Variants in POLR3E observed in about 807,000 individuals in gnomAD.
POLR3E encodes the protein DNA-directed RNA polymerase III subunit RPC5.
A neutral mutation model predicts 96.6 loss-of-function variants in POLR3E; 41 were observed. The observed-to-expected ratio is 0.42, with a 90% CI of 0.33 to 0.55. The LOEUF is 0.55. Among genes scored for constraint, POLR3E ranks in the 20% least tolerant of loss-of-function variants. The pLI, the probability that POLR3E is intolerant of heterozygous loss-of-function variation, is 0.06. For missense variants in POLR3E, 849 were observed against 952.1 expected (o/e 0.89, Z 1.43); for synonymous variants, 396 against 383.6 (o/e 1.03, Z -0.38).
chr16:22,314,040 C>T (rs1313621730), intron 7 of POLR3E, 39 bp from the exon 8 acceptor site: 1 of 1,584,386 alleles, frequency 6.3e-7, no homozygotes, highest in Non-Finnish European at 8.7e-7. Flanking sequence ...GAGGTGGAGG[C>T]TCCCCAGGAC....
At position 22,326,141 on chromosome 16, in the gene POLR3E, A is replaced by G. The variant is rs752978634; in HGVS notation, c.1729A>G (p.Thr577Ala). ...CACCTTTCAGAGACAGTTTGTGCTC[A>G]CGCTGAGCGAACTCAAGCGCCTCTT... The part of the protein sequence containing the change: ...EATFQRQFVL[T>A]LSELKRLFNL... Residue 577 changes from threonine (T) to alanine (A), a missense_variant, in exon 18 of 21, where the codon ACG (threonine) becomes GCG (alanine). Coordinates refer to ENST00000299853, the MANE Select transcript of POLR3E (RefSeq NM_018119.4). The G allele has an allele frequency of 6.2e-7, 1 of 1,613,932 alleles. No homozygotes were observed. Among genetic ancestry groups the G allele is most frequent in the South Asian group, 1.1e-5 (1 of 91,084 alleles).
rs768524117 is a variant in POLR3E, at chr16:22,313,723, C to T, written c.468C>T (p.Asn156=). The change falls in exon 7 of 21, where the codon AAC becomes AAT. Residue 156 remains asparagine, a synonymous_variant. Coordinates refer to ENST00000299853, the MANE Select transcript of POLR3E (RefSeq NM_018119.4). This position sits in a 1 kb window ranked among gnomAD's most constrained non-coding sequence, Gnocchi z 4.1. ...DAKHREREAA[N]EAGDSSQDEA... Reference sequence around the variant, plus strand: ...AGCACCGGGAGAGGGAGGCGGCCAACGAGGGTGAGCCCGGGATCCCCAGCC... The same window carrying T: ...AGCACCGGGAGAGGGAGGCGGCCAATGAGGGTGAGCCCGGGATCCCCAGCC... 7.5e-6 allele frequency: 12 copies of T among 1,607,078 alleles called. No homozygotes were observed. The highest frequency in any genetic ancestry group is 4.4e-5 in the South Asian group (4 of 90,980).
In POLR3E at chr16:22,326,881, C is replaced by A. The variant is rs578251031; in HGVS notation, c.1866+603C>A. ...CCCTGTGCATCAGAAGCAAGCTGAC[C>A]AGCTCAGCGCTGTGCTCTCAGCACT... On this transcript the variant is annotated intron_variant, in intron 18 of 20. Transcript: ENST00000299853. The A allele has an allele frequency of 9.7e-4, 155 of 159,374 alleles. 1 individual carries two copies. Among genetic ancestry groups the A allele is most frequent in the African/African-American group, 3.5e-3 (146 of 41,638 alleles). 9.9% of individuals were successfully genotyped at this position (159,374 alleles called of 1,614,324 possible). A position where few individuals can be genotyped will look rare whatever the true frequency, so the allele number is the denominator to read the frequency against.
chr16:22,322,894 T>C lies in POLR3E; in HGVS notation c.1031T>C (p.Val344Ala). The C allele has an allele frequency of 6.2e-7, 1 of 1,613,322 alleles. No individual in the cohort carries two copies. Among genetic ancestry groups the C allele is most frequent in the Non-Finnish European group, 8.5e-7 (1 of 1,179,646 alleles). ...GACTCGTCCAGCCCTCACAGCGGCG[T>C]GCCTGCTGAGGTGCTCTGCAGGGGC... Reference protein sequence around the residue: ...PKDSSSPHSGVPAEVLCRGRD... With the variant: ...PKDSSSPHSGAPAEVLCRGRD... The change falls in exon 14 of 21, where the codon GTG becomes GCG. Residue 344 changes from valine (V) to alanine (A), a missense_variant. Val to Ala is a moderately conservative substitution (Grantham distance 64). Transcript: ENST00000299853. The surrounding 1 kb of genome is among the most constrained non-coding windows in gnomAD (Gnocchi z 5.2).
At chr16:22,306,977 G>T (rs1303115011) in intron 3 of POLR3E, among the ~76,000 whole-genome samples, 1 of 152,212 alleles carries the variant, frequency 6.6e-6, no homozygotes, top group African/African-American at 2.4e-5. Flanking sequence ...CTTATGGGCC[G>T]TGGGAATGGG....
At position 22,318,386 on chromosome 16, in the gene POLR3E, G is replaced by A. The variant is rs775089557; in HGVS notation, c.866-440G>A. 1.1e-4 allele frequency among the ~76,000 whole-genome samples: 17 copies of A among 152,118 alleles called. No individual in the cohort carries two copies. The highest frequency in any genetic ancestry group is 3.9e-4 in the East Asian group (2 of 5,190). ...TGTGATTACAGGTGTGAGCCAAAGC[G>A]CCCAGCCAAATTTTGGACTTTCCCT... On this transcript the variant is annotated intron_variant, in intron 12 of 20. Transcript: ENST00000299853. The surrounding 1 kb of genome is among the most constrained non-coding windows in gnomAD (Gnocchi z 5.0).
Position 22,321,890 on chromosome 16 carries a change from G to T in POLR3E, c.987-960G>T, listed in dbSNP as rs988220813. On this transcript the variant is annotated intron_variant, in intron 13 of 20. Coordinates refer to ENST00000299853, the MANE Select transcript of POLR3E (RefSeq NM_018119.4). ...GGGTGAGGGTCCTGTGTGTGCCTGT[G>T]AGGAGACAATGCAAAATCCATGCCT... 9.2e-5 allele frequency among the ~76,000 whole-genome samples: 14 copies of T among 152,216 alleles called. No homozygotes were observed. The South Asian group carries it at 1.2e-3, about 13-fold the overall frequency.
intron 3 of POLR3E, among the ~76,000 whole-genome samples, chr16:22,307,438 G>A (rs190677654): frequency 4.3e-4 from 65 of 152,302 alleles, no homozygotes; most frequent in African/African-American, 1.5e-3. Context: ...TCTACAGGCT[G>A]TCATGAGACC....
intron 9 of POLR3E, 66 bp from the exon 10 acceptor site, chr16:22,316,535 G>C: frequency 1.5e-6 from 2 of 1,290,982 alleles, no homozygotes; most frequent in Non-Finnish European, 2.2e-6. Flanking sequence ...GGGAGGCCTT[G>C]GGGGAGGGGG....
intron 1 of POLR3E, 87 bp from the exon 2 acceptor site, chr16:22,302,844 C>A (rs1031273044): frequency 2.2e-6 from 2 of 899,850 alleles, no homozygotes; most frequent in East Asian, 4.8e-5. Flanking sequence ...TGGGCTCCCC[C>A]TCCCAGTGCA....
chr16:22,331,817 TTTTA>T (rs2048747138), intron 19 of POLR3E: 1 of 396,894 alleles, frequency 2.5e-6, no homozygotes, highest in Non-Finnish European at 4.6e-6. Context: ...ATACCTTTGT[TTTTA>T]TTTATATTCA....
Position 22,333,983 on chromosome 16 carries a change from A to T in POLR3E, c.*283A>T, listed in dbSNP as rs1442134728. On this transcript the variant is annotated 3_prime_UTR_variant, in exon 21 of 21. Coordinates refer to ENST00000299853, the MANE Select transcript of POLR3E (RefSeq NM_018119.4). ...TTGCTTATTATTTGGTTTCATTCTC[A>T]TAATAAAGAGAGTGTATACTGACAT... 5 of 374,334 alleles carry T rather than the reference A, an allele frequency of 1.3e-5. No homozygotes were observed. The highest frequency in any genetic ancestry group is 2.4e-5 in the Non-Finnish European group (5 of 208,296). The allele number at this position is 374,334 out of a possible 1,614,324, so 23.2% of individuals were successfully genotyped here. A position where few individuals can be genotyped will look rare whatever the true frequency, so the allele number is the denominator to read the frequency against.
At position 22,319,275 on chromosome 16, in the gene POLR3E, C is replaced by T. The variant is rs146896123; in HGVS notation, c.986+329C>T. 3.6e-3 allele frequency among the ~76,000 whole-genome samples: 550 copies of T among 152,296 alleles called. 5 individuals are homozygous for T. Among genetic ancestry groups the T allele is most frequent in the African/African-American group, 0.012 (512 of 41,560 alleles). ...GGCGTGAGCCACCGGGCCCGGCCTA[C>T]GCTGTATTCTCTTAATGGGAGCATT... On this transcript the variant is annotated intron_variant, in intron 13 of 20. Transcript: ENST00000299853.
In POLR3E at chr16:22,326,201, A is replaced by G; in HGVS notation, c.1789A>G (p.Thr597Ala). The G allele has an allele frequency of 6.2e-7, 1 of 1,613,132 alleles. No individual in the cohort carries two copies. The highest frequency in any genetic ancestry group is 8.5e-7 in the Non-Finnish European group (1 of 1,179,730). Residue 597 changes from threonine to alanine, a missense_variant, in exon 18 of 21, where the codon ACA becomes GCA. By Grantham distance (58) the Thr-to-Ala change is moderately conservative. Coordinates refer to ENST00000299853, the MANE Select transcript of POLR3E (RefSeq NM_018119.4). ...LHLASLPPGH[T>A]LFSGISDRML... Reference sequence around the variant, plus strand: ...CTTGGCCAGCCTGCCCCCCGGCCACACACTCTTCAGCGGCATCTCGGACCG... The same window carrying G: ...CTTGGCCAGCCTGCCCCCCGGCCACGCACTCTTCAGCGGCATCTCGGACCG...
chr16:22,334,560 A>G lies in POLR3E; in HGVS notation c.*860A>G, dbSNP rs1598284204. The G allele has an allele frequency of 6.6e-6, 1 of 152,358 alleles. No homozygotes were observed. The highest frequency in any genetic ancestry group is 1.9e-4 in the East Asian group (1 of 5,196). 9.4% of individuals were successfully genotyped at this position (152,358 alleles called of 1,614,324 possible). ...GACAGAGCAGCACTGTCCACTAGAA[A>G]GAGGCGAGTCACGTACATAATTTTG... On this transcript the variant is annotated 3_prime_UTR_variant, in exon 21 of 21. Coordinates refer to ENST00000299853, the MANE Select transcript of POLR3E (RefSeq NM_018119.4).
chr16:22,334,410 G>GT lies in POLR3E; in HGVS notation c.*711dup, dbSNP rs1250219896. ...TTTGATGTAAAAATTTCTATTTTGT[G>GT]TATTTTTAAAATAAATGCAAACACT... On this transcript the variant is annotated 3_prime_UTR_variant, in exon 21 of 21. Coordinates refer to ENST00000299853, the MANE Select transcript of POLR3E (RefSeq NM_018119.4). The GT allele has an allele frequency of 2.6e-5, 4 of 152,132 alleles. No homozygotes were observed. The highest frequency in any genetic ancestry group is 5.9e-5 in the Non-Finnish European group (4 of 68,020). The allele number at this position is 152,132 out of a possible 1,614,324, so 9.4% of individuals were successfully genotyped here. A position where few individuals can be genotyped will look rare whatever the true frequency, so the allele number is the denominator to read the frequency against.
At chr16:22,301,942 T>A (rs1425079335) in intron 1 of POLR3E, among the ~76,000 whole-genome samples, 2 of 149,480 alleles carry the variant, frequency 1.3e-5, no homozygotes, top group Admixed American at 1.3e-4. Flanking sequence ...AAAAAAAAAA[T>A]TCATGCTAGT....
chr16:22,321,875 C>T (rs1365186984), intron 13 of POLR3E, among the ~76,000 whole-genome samples: 1 of 152,208 alleles, frequency 6.6e-6, no homozygotes, highest in Non-Finnish European at 1.5e-5. Flanking sequence ...GGGTGAGGGT[C>T]CTGTGTGTGC....
At position 22,334,404 on chromosome 16, in the gene POLR3E, T is replaced by C. The variant is rs895042384; in HGVS notation, c.*704T>C. 6.6e-6 allele frequency: 1 copy of C among 152,206 alleles called. No homozygotes were observed. Among genetic ancestry groups the C allele is most frequent in the Non-Finnish European group, 1.5e-5 (1 of 68,042 alleles). The allele number at this position is 152,206 out of a possible 1,614,324, so 9.4% of individuals were successfully genotyped here. A position where few individuals can be genotyped will look rare whatever the true frequency, so the allele number is the denominator to read the frequency against. ...TCACACTTTGATGTAAAAATTTCTA[T>C]TTTGTGTATTTTTAAAATAAATGCA... On this transcript the variant is annotated 3_prime_UTR_variant, in exon 21 of 21. Transcript: ENST00000299853.
Sources: allele counts gnomAD v4.1 joint callset (sites outside exome capture counted in the v4.1 genomes callset), GRCh38; gene constraint gnomAD v4.1.1; non-coding constraint Gnocchi (gnomAD v3.1); transcripts MANE v1.5; gene names NCBI Gene and HGNC (gene_info 2026-07-23, HGNC 2026-07-21).